CTIF: variants seen among roughly 807,000 people sequenced by gnomAD.
CTIF encodes the protein cap binding complex dependent translation initiation factor, also known as CBP80/20-dependent translation initiation factor.
In CTIF, 21 loss-of-function variants were observed where a neutral mutation model predicts 66.0. The observed-to-expected ratio is 0.32, with a 90% CI of 0.23 to 0.46. The LOEUF (loss-of-function observed/expected upper bound fraction) is 0.46, where lower values mean the gene tolerates loss of function less well. CTIF is among the 20% of genes least tolerant of loss of function. CTIF has a pLI of 1.00. For missense variants in CTIF, 739 were observed against 812.7 expected (o/e 0.91, Z 1.10); for synonymous variants, 345 against 326.4 (o/e 1.06, Z -0.62).
In CTIF at chr18:48,847,742, G is replaced by T. The variant is rs528277202; in HGVS notation, c.1528-9846G>T. 1.8e-3 allele frequency among the ~76,000 whole-genome samples: 275 copies of T among 152,318 alleles called. 2 individuals are homozygous for T. The highest frequency in any genetic ancestry group is 6.3e-3 in the African/African-American group (262 of 41,560). ...ACAATCCTAGGCAGATACTATCCCT[G>T]TTCTCAGGTGAGGAAGCTGAGATGC... On this transcript the variant is annotated intron_variant, in intron 10 of 11. Coordinates refer to ENST00000256413, the MANE Select transcript of CTIF (RefSeq NM_014772.3).
intron 9 of CTIF, among the ~76,000 whole-genome samples, chr18:48,786,497 C>T (rs8087866): frequency 0.13 from 19,283 of 152,114 alleles, 1,357 homozygotes; most frequent in Non-Finnish European, 0.14. Context: ...GATGGGGTGA[C>T]GTTAGAGTTG....
At chr18:48,623,596 A>G (rs1598755037) in intron 2 of CTIF, among the ~76,000 whole-genome samples, 2 of 151,546 alleles carry the variant, frequency 1.3e-5, no homozygotes, top group East Asian at 3.9e-4. Context: ...AAAAAAAAAA[A>G]CAGCAAACAC....
intron 1 of CTIF, among the ~76,000 whole-genome samples, chr18:48,613,492 G>C (rs565968375): frequency 3.9e-5 from 6 of 152,164 alleles, no homozygotes; most frequent in Admixed American, 2.6e-4. Context: ...GTTTGTTTGC[G>C]TCTAGGGTGG....
chr18:48,658,098 G>A (rs2091274206), intron 3 of CTIF, among the ~76,000 whole-genome samples: 1 of 152,124 alleles, frequency 6.6e-6, no homozygotes, highest in Non-Finnish European at 1.5e-5. Flanking sequence ...GGACATTCGA[G>A]GGTTTGTAGA....
At chr18:48,675,049 C>T (rs1443049780) in intron 6 of CTIF, among the ~76,000 whole-genome samples, 14 of 4,614 alleles carry the variant, frequency 3.0e-3, no homozygotes, top group Admixed American at 0.015. Context: ...GGTGGGGGGT[C>T]GGCGGGGGTG....
At chr18:48,613,724 T>TC (rs2090349730) in intron 1 of CTIF, among the ~76,000 whole-genome samples, 1 of 152,054 alleles carries the variant, frequency 6.6e-6, no homozygotes, top group Admixed American at 6.5e-5. Context: ...TGCATCCCTT[T>TC]CCCCAGACAG....
At chr18:48,805,429 C>CCG (rs1555696916) in intron 9 of CTIF, among the ~76,000 whole-genome samples, 1 of 147,100 alleles carries the variant, frequency 6.8e-6, no homozygotes, top group Non-Finnish European at 1.5e-5. Flanking sequence ...GAAAGCCTGC[C>CCG]GGGGGGATTG....
At chr18:48,704,379 A>T (rs1361747497) in intron 6 of CTIF, among the ~76,000 whole-genome samples, 5 of 152,174 alleles carry the variant, frequency 3.3e-5, no homozygotes, top group Admixed American at 2.0e-4. Context: ...CAAATCTCAA[A>T]TTCAAATTCA....
intron 1 of CTIF, among the ~76,000 whole-genome samples, chr18:48,614,808 G>A (rs955634376): frequency 5.3e-5 from 8 of 152,206 alleles, no homozygotes; most frequent in African/African-American, 1.9e-4. Context: ...ACTGAATTAT[G>A]TGTTCAAAAA....
At position 48,861,804 on chromosome 18, in the gene CTIF, C is replaced by T. The variant is rs2069475918; in HGVS notation, c.*2245C>T. 1 of 152,300 alleles carries T rather than the reference C, an allele frequency of 6.6e-6. No homozygotes were observed. The highest frequency in any genetic ancestry group is 2.4e-5 in the African/African-American group (1 of 41,478). 9.4% of individuals were successfully genotyped at this position (152,300 alleles called of 1,614,324 possible). On this transcript the variant is annotated 3_prime_UTR_variant, in exon 12 of 12. Transcript: ENST00000256413. ...AACGGGCTCCTTGATGGCCTGGCCACAGGGGCAGCTCCCCATTGGCTGTTA... is the reference window on the plus strand; with the variant it reads ...AACGGGCTCCTTGATGGCCTGGCCATAGGGGCAGCTCCCCATTGGCTGTTA...
intron 1 of CTIF, among the ~76,000 whole-genome samples, chr18:48,541,913 C>T (rs774019585): frequency 1.3e-5 from 2 of 151,258 alleles, no homozygotes; most frequent in Admixed American, 6.6e-5. Flanking sequence ...CCCCATTTTA[C>T]GGATGAACAC....
chr18:48,750,094 C>A (rs1314661324), intron 7 of CTIF, among the ~76,000 whole-genome samples: 2 of 152,240 alleles, frequency 1.3e-5, no homozygotes, highest in East Asian at 3.8e-4. Context: ...GTATTCATAA[C>A]GTGCTTTTGT....
chr18:48,836,282 C>G lies in CTIF; in HGVS notation c.1527+18906C>G, dbSNP rs1357630515. Among the ~76,000 whole-genome samples the G allele has an allele frequency of 2.0e-5, 3 of 152,176 alleles. No homozygotes were observed. In the East Asian group the frequency reaches 5.8e-4, roughly 29 times the overall value. On this transcript the variant is annotated intron_variant, in intron 10 of 11. Transcript: ENST00000256413. The stretch of plus-strand genomic sequence containing the variant: ...CCCATCAGGTGCCCCCTCTTGAGCA[C>G]AGCCAGCAGCCCCCAGAGAGGCCCT...
chr18:48,776,377 A>AC (rs5824767), intron 9 of CTIF, among the ~76,000 whole-genome samples: 81,639 of 152,146 alleles, frequency 0.54, 22,667 homozygotes, highest in African/African-American at 0.66. Context: ...GCATGATGCC[A>AC]CCCCCAGGAG....
At chr18:48,605,976 C>T (rs1449656951) in intron 1 of CTIF, among the ~76,000 whole-genome samples, 1 of 152,200 alleles carries the variant, frequency 6.6e-6, no homozygotes, top group African/African-American at 2.4e-5. Flanking sequence ...ACTGGGGAAA[C>T]CAACCCTAGG....
intron 9 of CTIF, among the ~76,000 whole-genome samples, chr18:48,802,216 G>A (rs1282881997): frequency 6.6e-6 from 1 of 152,188 alleles, no homozygotes; most frequent in East Asian, 1.9e-4. Context: ...CTCAGGCTGA[G>A]GCCTCAGTGA....
chr18:48,825,613 C>G (rs1443401976), intron 10 of CTIF, among the ~76,000 whole-genome samples: 1 of 152,148 alleles, frequency 6.6e-6, no homozygotes, highest in Admixed American at 6.5e-5. Flanking sequence ...TCAGAGGCAC[C>G]TTTCCAGGCG....
chr18:48,635,640 C>T (rs2090805933), intron 2 of CTIF, among the ~76,000 whole-genome samples: 1 of 152,068 alleles, frequency 6.6e-6, no homozygotes, highest in Non-Finnish European at 1.5e-5. Flanking sequence ...CTTTATGTAT[C>T]ATGCAGGGTG....
chr18:48,746,283 C>A (rs575482980), intron 7 of CTIF, among the ~76,000 whole-genome samples: 2 of 151,956 alleles, frequency 1.3e-5, no homozygotes, highest in African/African-American at 4.8e-5. Context: ...ACCCATGACA[C>A]CTGCCTGCTC....
Sources: gnomAD v4.1 joint callset for allele counts (sites outside exome capture counted in the v4.1 genomes callset) on GRCh38, gnomAD v4.1.1 for gene constraint, MANE v1.5 for transcripts, NCBI Gene and HGNC (gene_info 2026-07-23, HGNC 2026-07-21) for gene names.